The following NEDD9 variants were observed in gnomAD, a reference collection of about 807,000 sequenced individuals.
The protein encoded by NEDD9 is neural precursor cell expressed, developmentally down-regulated 9.
NEDD9 carries 26 observed loss-of-function variants against 76.6 expected under a neutral mutation model. That is an observed-to-expected ratio of 0.34 (90% CI 0.25 to 0.47). The LOEUF (loss-of-function observed/expected upper bound fraction) is 0.47, where lower values mean the gene tolerates loss of function less well. Ranked by LOEUF, NEDD9 falls within the 20% of genes least tolerant of loss-of-function variation. NEDD9 has a pLI of 1.00. For missense variants in NEDD9, 937 were observed against 1,058.5 expected (o/e 0.89, Z 1.59); for synonymous variants, 392 against 414.2 (o/e 0.95, Z 0.65).
intron 2 of NEDD9, among the ~76,000 whole-genome samples, chr6:11,331,937 T>C (rs1042079303): frequency 1.3e-5 from 2 of 152,110 alleles, no homozygotes; most frequent in African/African-American, 4.8e-5. Flanking sequence ...TCAAATGCAG[T>C]AATAGCTGTT....
At chr6:11,224,446 G>A (rs1418746135) in intron 1 of NEDD9, among the ~76,000 whole-genome samples, 3 of 152,124 alleles carry the variant, frequency 2.0e-5, no homozygotes, top group Non-Finnish European at 2.9e-5. Flanking sequence ...TCAGGGAAGC[G>A]GAGATAGCAC....
chr6:11,186,091 T>G (rs929703468), intron 6 of NEDD9, among the ~76,000 whole-genome samples: 6 of 152,158 alleles, frequency 3.9e-5, no homozygotes, highest in Admixed American at 3.3e-4. Context: ...CCTTGTCAAG[T>G]AAGTCACTGA....
chr6:11,200,441 C>G (rs1013395443), intron 2 of NEDD9: 2 of 795,994 alleles, frequency 2.5e-6, no homozygotes, highest in Admixed American at 8.6e-5. Context: ...CAATGTCCCA[C>G]ATACAATCAA....
chr6:11,351,599 C>T (rs1180788408), intron 1 of NEDD9, among the ~76,000 whole-genome samples: 6 of 152,142 alleles, frequency 3.9e-5, no homozygotes, highest in African/African-American at 1.4e-4. Context: ...AAGGAACATC[C>T]TTTTTCTGAA....
chr6:11,358,316 A>G (rs1241778760), intron 1 of NEDD9, among the ~76,000 whole-genome samples: 2 of 151,778 alleles, frequency 1.3e-5, no homozygotes, highest in Non-Finnish European at 1.5e-5. Context: ...CACTGTAGGA[A>G]TAACACCTTT....
intron 1 of NEDD9, among the ~76,000 whole-genome samples, chr6:11,368,772 A>C (rs1256117365): frequency 6.6e-6 from 1 of 151,624 alleles, no homozygotes; most frequent in Non-Finnish European, 1.5e-5. Context: ...TTTTTTCTTG[A>C]TCTTCTGGAA....
chr6:11,333,700 G>A (rs1762094514), intron 2 of NEDD9, among the ~76,000 whole-genome samples: 1 of 152,180 alleles, frequency 6.6e-6, no homozygotes, highest in South Asian at 2.1e-4. Flanking sequence ...GGGGGTTTTG[G>A]CAGCCTGCAG....
chr6:11,199,910 T>C (rs1407887033), intron 2 of NEDD9: 2 of 154,844 alleles, frequency 1.3e-5, no homozygotes, highest in Non-Finnish European at 2.9e-5. Flanking sequence ...CCTGACCTCG[T>C]GATCCGCCCG....
intron 3 of NEDD9, among the ~76,000 whole-genome samples, chr6:11,244,466 C>A (rs1322994670): frequency 6.6e-6 from 1 of 152,148 alleles, no homozygotes; most frequent in Non-Finnish European, 1.5e-5. Context: ...CACCTACTTC[C>A]CACATCCAAT....
chr6:11,313,433 G>A lies in NEDD9; in HGVS notation c.-152-7278C>T, dbSNP rs144196045. ...GATAGATGAATAGATGGATGGGTGGGTGGGTGGATGAATGGAATGATGGAT... is the reference window on the plus strand; with the variant it reads ...GATAGATGAATAGATGGATGGGTGGATGGGTGGATGAATGGAATGATGGAT... On this transcript the variant is annotated intron_variant, in intron 2 of 3. Coordinates refer to the NEDD9 transcript ENST00000397378. Among the ~76,000 whole-genome samples the A allele has an allele frequency of 1.5e-3, 200 of 137,382 alleles. 3 individuals are homozygous for A. The highest frequency in any genetic ancestry group is 4.8e-3 in the South Asian group (22 of 4,628). The allele number at this position is 137,382 out of a possible 152,430, so 90.1% of individuals were successfully genotyped here. A position where few individuals can be genotyped will look rare whatever the true frequency, so the allele number is the denominator to read the frequency against.
intron 3 of NEDD9, among the ~76,000 whole-genome samples, chr6:11,244,885 A>C (rs1229665856): frequency 6.6e-6 from 1 of 152,196 alleles, no homozygotes; most frequent in Non-Finnish European, 1.5e-5. Context: ...CCATGCCTGA[A>C]GTCTACTCTT....
intron 1 of NEDD9, among the ~76,000 whole-genome samples, chr6:11,347,470 A>G (rs948331088): frequency 2.0e-5 from 3 of 152,158 alleles, no homozygotes; most frequent in Non-Finnish European, 4.4e-5. Flanking sequence ...ACACAACAAG[A>G]AAAACAAAAC....
chr6:11,373,393 A>G (rs1480910530), intron 1 of NEDD9, among the ~76,000 whole-genome samples: 1 of 152,252 alleles, frequency 6.6e-6, no homozygotes, highest in East Asian at 1.9e-4. Flanking sequence ...AGGAAGTCAG[A>G]ACCTCTGTTC....
Position 11,190,253 on chromosome 6 carries a change from G to T in NEDD9, c.1616C>A (p.Pro539His), listed in dbSNP as rs1308732063. 6.2e-7 allele frequency: 1 copy of T among 1,614,236 alleles called. No individual in the cohort carries two copies. Among genetic ancestry groups the T allele is most frequent in the African/African-American group, 1.3e-5 (1 of 75,066 alleles). Residue 539 changes from proline (P) to histidine (H), a missense_variant, in exon 5 of 7, where the codon CCC becomes CAC. By Grantham distance (77) the Pro-to-His change is moderately conservative. Coordinates refer to ENST00000379446, the MANE Select transcript of NEDD9 (RefSeq NM_006403.4). The surrounding 1 kb of genome is among the most constrained non-coding windows in gnomAD (Gnocchi z 5.8). ...DRFVMVAKTV[P>H]DDAKQLTTTI... is the part of the protein sequence containing the mutation. ...TGTGGTGAGCTGCTTGGCGTCATCG[G>T]GCACCGTCTTTGCCACCATCACAAA...
At chr6:11,260,894 C>CTG (rs34568873) in intron 3 of NEDD9, among the ~76,000 whole-genome samples, 1,756 of 148,896 alleles carry the variant, frequency 0.012, 16 homozygotes, top group Middle Eastern at 0.045. Context: ...GTGTGTGAGC[C>CTG]TGTGTGTGTG....
At chr6:11,204,798 C>T (rs866489598) in intron 2 of NEDD9, among the ~76,000 whole-genome samples, 1 of 150,018 alleles carries the variant, frequency 6.7e-6, no homozygotes, top group Non-Finnish European at 1.5e-5. Flanking sequence ...AGAAAGCCAA[C>T]ATAGCAACAT....
At chr6:11,316,708 T>G (rs1042983318) in intron 2 of NEDD9, among the ~76,000 whole-genome samples, 21 of 152,082 alleles carry the variant, frequency 1.4e-4, no homozygotes, top group Non-Finnish European at 2.8e-4. Flanking sequence ...TATACTCCAG[T>G]TGAGAATTAT....
intron 1 of NEDD9, among the ~76,000 whole-genome samples, chr6:11,376,962 G>C (rs1287972643): frequency 6.6e-6 from 1 of 152,228 alleles, no homozygotes; most frequent in African/African-American, 2.4e-5. Flanking sequence ...AAGGGGCCCA[G>C]GTACAGCTCT....
At chr6:11,276,409 A>ACGTGTGTGTGCG (rs1295049354) in intron 3 of NEDD9, among the ~76,000 whole-genome samples, 5 of 152,132 alleles carry the variant, frequency 3.3e-5, no homozygotes, top group African/African-American at 1.2e-4. Context: ...GTGTGTGTGC[A>ACGTGTGTGTGCG]CGTGTGTGTG....
Sources: allele counts gnomAD v4.1 joint callset (sites outside exome capture counted in the v4.1 genomes callset), GRCh38; gene constraint gnomAD v4.1.1; non-coding constraint Gnocchi (gnomAD v3.1); transcripts MANE v1.5; gene names NCBI Gene and HGNC (gene_info 2026-07-23, HGNC 2026-07-21).